Variants in ELN observed in about 807,000 individuals in gnomAD.
ELN encodes the protein elastin.
ELN carries 65 observed loss-of-function variants against 105.8 expected under a neutral mutation model. The ratio of observed to expected loss-of-function variants is 0.61; its 90% CI spans 0.50 to 0.75. The LOEUF is 0.75. ELN is among the 30% of genes least tolerant of loss of function. The pLI, the probability that ELN is intolerant of heterozygous loss-of-function variation, is 0.00. For missense variants in ELN, 882 were observed against 969.4 expected (o/e 0.91, Z 1.20); for synonymous variants, 368 against 389.2 (o/e 0.95, Z 0.64).
At chr7:74,058,461 C>G (rs782516521) in intron 22 of ELN, among the ~76,000 whole-genome samples, 2 of 152,076 alleles carry the variant, frequency 1.3e-5, no homozygotes, top group Admixed American at 6.6e-5. Flanking sequence ...CTCAAGCAGT[C>G]TGCCTGCTTC....
intron 4 of ELN, among the ~76,000 whole-genome samples, chr7:74,038,634 T>C (rs936778246): frequency 6.6e-6 from 1 of 152,196 alleles, no homozygotes; most frequent in African/African-American, 2.4e-5. Context: ...TCTGTCCAGA[T>C]TGATGGTCCC....
intron 13 of ELN, 75 bp from the exon 14 acceptor site, chr7:74,048,067 G>A (rs1792982881): frequency 3.8e-6 from 6 of 1,585,370 alleles, no homozygotes; most frequent in South Asian, 2.2e-5. Context: ...GGGCCCCGAG[G>A]GCAGAGCAGG....
At chr7:74,052,027 C>T (rs377198998) in intron 17 of ELN, 44 bp downstream of exon 17, 4 of 1,609,450 alleles carry the variant, frequency 2.5e-6, no homozygotes, top group African/African-American at 1.3e-5. Flanking sequence ...CGGGCCCCTG[C>T]ATAGACCTCG....
Position 74,066,001 on chromosome 7 carries a change from G to A in ELN, c.2086+4G>A, listed in dbSNP as rs1797859564. ...GCCGGGCAGTTCCCACTTGGAGGTA[G>A]GGGTGGCCAGCTCTGCTACGTAGTC... On this transcript the variant is annotated splice_donor_region_variant and intron_variant, in intron 31 of 32. Transcript: ENST00000252034. 6.2e-7 allele frequency: 1 copy of A among 1,614,088 alleles called. No homozygotes were observed.
At chr7:74,036,989 T>G (rs1165919193) in intron 3 of ELN, among the ~76,000 whole-genome samples, 3 of 151,378 alleles carry the variant, frequency 2.0e-5, no homozygotes, top group African/African-American at 7.3e-5. Flanking sequence ...CCCAGCTTAT[T>G]TTTGTATTTT....
chr7:74,062,961 A>G (rs1797018901), intron 26 of ELN, among the ~76,000 whole-genome samples, 192 bp from the exon 27 acceptor site: 1 of 152,110 alleles, frequency 6.6e-6, no homozygotes, highest in South Asian at 2.1e-4. Flanking sequence ...TGATTGTACC[A>G]CTGCACTCCA....
intron 1 of ELN, among the ~76,000 whole-genome samples, chr7:74,031,927 AC>A (rs1375723421): frequency 6.8e-6 from 1 of 146,326 alleles, no homozygotes; most frequent in Non-Finnish European, 1.5e-5. Flanking sequence ...ATGTTGGAGG[AC>A]CTGTCTGTGG....
At chr7:74,061,195 G>T in intron 26 of ELN, 56 bp downstream of exon 26, 1 of 1,606,652 alleles carries the variant, frequency 6.2e-7, no homozygotes, top group Admixed American at 1.7e-5. Flanking sequence ...ATCCCTGACA[G>T]CACAGGACTG....
chr7:74,053,223 C>G lies in ELN; in HGVS notation c.1010C>G (p.Pro337Arg), dbSNP rs782388488. The change falls in exon 18 of 33, where the codon CCA becomes CGA. Residue 337 changes from proline (P) to arginine (R), a missense_variant. Transcript: ENST00000252034. ...PGFGPGVVGV[P>R]GAGVPGVGVP... is the part of the protein sequence containing the mutation. ...TTTGGCCCGGGAGTAGTTGGTGTCC[C>G]AGGAGCTGGCGTTCCAGGTGTTGGT... is the stretch of plus-strand genomic sequence containing the variant. 7 of 1,613,978 alleles carry G rather than the reference C, an allele frequency of 4.3e-6. No homozygotes were observed. The South Asian group carries it at 7.7e-5, about 18-fold the overall frequency.
intron 21 of ELN, 84 bp downstream of exon 21, chr7:74,056,797 G>C (rs1795342693): frequency 6.3e-7 from 1 of 1,591,646 alleles, no homozygotes; most frequent in African/African-American, 1.3e-5. Flanking sequence ...TGGCTCCCAG[G>C]CCTCCAGGAC....
At chr7:74,050,554 C>T (rs1227450596) in intron 15 of ELN, among the ~76,000 whole-genome samples, 1 of 152,216 alleles carries the variant, frequency 6.6e-6, no homozygotes, top group Non-Finnish European at 1.5e-5. Flanking sequence ...TGCATCCATC[C>T]ATCCATCCAT....
intron 1 of ELN, among the ~76,000 whole-genome samples, chr7:74,028,915 G>A (rs3823878): frequency 0.13 from 19,421 of 152,106 alleles, 1,838 homozygotes; most frequent in African/African-American, 0.26. Flanking sequence ...CTGTGTGCTC[G>A]TGTGTGTATG....
intron 15 of ELN, among the ~76,000 whole-genome samples, chr7:74,048,848 C>T (rs782642889): frequency 5.3e-5 from 8 of 151,490 alleles, no homozygotes; most frequent in Non-Finnish European, 1.0e-4. Context: ...CCCATCCATG[C>T]ATCCATCCAC....
chr7:74,051,205 C>T (rs1166554475), intron 15 of ELN, among the ~76,000 whole-genome samples: 1 of 152,202 alleles, frequency 6.6e-6, no homozygotes, highest in African/African-American at 2.4e-5. Context: ...TATCTCCCCA[C>T]CAGCCCGAGA....
Position 74,037,895 on chromosome 7 carries a change from A to G in ELN, c.196+156A>G, listed in dbSNP as rs1554666638. 10 of 1,114,850 alleles carry G rather than the reference A, an allele frequency of 9.0e-6. No individual in the cohort carries two copies. In the African/African-American group the frequency reaches 1.1e-4, roughly 12 times the overall value. 69.1% of individuals were successfully genotyped at this position (1,114,850 alleles called of 1,614,324 possible). On this transcript the variant is annotated intron_variant, in intron 4 of 32. Transcript: ENST00000252034. ...GGTGTGGACACCGATTAGCCTCCCA[A>G]GGATGAGTAGGCCGGGGCCAGGTCC...
chr7:74,042,711 G>A lies in ELN; in HGVS notation c.325+5G>A. The A allele has an allele frequency of 6.2e-7, 1 of 1,612,398 alleles. No homozygotes were observed. Among genetic ancestry groups the A allele is most frequent in the African/African-American group, 1.3e-5 (1 of 75,062 alleles). ...CCTATAAAGCTGCTAAGGCTGGTGA[G>A]TGGTGCTCTTTGGGACATGCCACAA... On this transcript the variant is annotated splice_donor_5th_base_variant and intron_variant, in intron 6 of 32. Coordinates refer to ENST00000252034, the MANE Select transcript of ELN (RefSeq NM_000501.4).
At chr7:74,064,346 C>T (rs1797448293) in intron 29 of ELN, among the ~76,000 whole-genome samples, 1 of 150,786 alleles carries the variant, frequency 6.6e-6, no homozygotes, top group South Asian at 2.1e-4. Context: ...ACCTGGGAGG[C>T]GGAGCTTGCA....
intron 1 of ELN, among the ~76,000 whole-genome samples, chr7:74,034,636 C>G (rs1423464199): frequency 6.6e-6 from 1 of 152,162 alleles, no homozygotes; most frequent in East Asian, 1.9e-4. Flanking sequence ...ACCTAGGAGG[C>G]AGAAGTTGCA....
In ELN at chr7:74,051,803, G is replaced by T; in HGVS notation, c.853G>T (p.Val285Leu). 6.2e-7 allele frequency: 1 copy of T among 1,614,206 alleles called. No homozygotes were observed. Among genetic ancestry groups the T allele is most frequent in the Non-Finnish European group, 8.5e-7 (1 of 1,180,038 alleles). Residue 285 changes from valine (V) to leucine (L), a missense_variant, in exon 16 of 33, where the codon GTG becomes TTG. Coordinates refer to ENST00000252034, the MANE Select transcript of ELN (RefSeq NM_000501.4). ...PGVGGAGVPG[V>L]PGAIPGIGGI... ...TGTTGGAGGGGCTGGTGTTCCTGGC[G>T]TGCCTGGGGCAATTCCTGGAATTGG...
Sources: allele counts gnomAD v4.1 joint callset (sites outside exome capture counted in the v4.1 genomes callset), GRCh38; gene constraint gnomAD v4.1.1; transcripts MANE v1.5; gene names NCBI Gene and HGNC (gene_info 2026-07-23, HGNC 2026-07-21).